Variants in SLC20A2 observed in about 807,000 individuals in gnomAD.
The protein encoded by SLC20A2 is sodium-dependent phosphate transporter 2.
A neutral mutation model predicts 61.0 loss-of-function variants in SLC20A2; 30 were observed. The observed-to-expected ratio is 0.49, with a 90% CI of 0.37 to 0.67. The LOEUF (loss-of-function observed/expected upper bound fraction) is 0.67, where lower values mean the gene tolerates loss of function less well. Ranked by LOEUF, SLC20A2 falls within the 30% of genes least tolerant of loss-of-function variation. The pLI, the probability that SLC20A2 is intolerant of heterozygous loss-of-function variation, is 0.00. For missense variants in SLC20A2, 626 were observed against 866.4 expected (o/e 0.72, Z 3.48); for synonymous variants, 351 against 353.3 (o/e 0.99, Z 0.07).
intron 1 of SLC20A2, among the ~76,000 whole-genome samples, chr8:42,497,813 C>CG (rs1333761267): frequency 1.3e-5 from 2 of 150,920 alleles, no homozygotes; most frequent in East Asian, 3.9e-4. Flanking sequence ...AGGTTGGGCA[C>CG]GGGGGGAGGG....
rs751273041 is a variant in SLC20A2 at position 42,444,661 on chromosome 8, G to A, written c.715C>T (p.Arg239Trp). The change falls in exon 6 of 11, where the codon CGG becomes TGG. Residue 239 changes from arginine to tryptophan, a missense_variant. Arg to Trp is a moderately radical substitution (Grantham distance 101). Transcript: ENST00000520262. ...FVWLFVCPWMRRKITGKLQKE... is the reference protein window; with the variant it reads ...FVWLFVCPWMWRKITGKLQKE... ...AGGCCCATACCTGTTATTTTCCTCC[G>A]CATCCACGGACACACGAAGAGCCAC... 23 of 1,612,920 alleles carry A rather than the reference G, an allele frequency of 1.4e-5. No homozygotes were observed. The highest frequency in any genetic ancestry group is 3.3e-4 in the Middle Eastern group (2 of 6,082).
intron 1 of SLC20A2, among the ~76,000 whole-genome samples, chr8:42,494,361 T>C (rs1809753943): frequency 1.3e-5 from 2 of 152,136 alleles, no homozygotes; most frequent in African/African-American, 4.8e-5. Context: ...TTAATTAAAA[T>C]AGTTACTTTT....
rs998201747 is a variant in SLC20A2 at position 42,533,734 on chromosome 8, C to T, written c.-265+8087G>A. On this transcript the variant is annotated intron_variant, in intron 1 of 10. Coordinates refer to the SLC20A2 transcript ENST00000342228. Reference sequence around the variant, plus strand: ...GAGTGCAGTGGCGTGATCTCAGCTCCCTGCAACCTCCACCTCCCAGGTTCA... The same window carrying T: ...GAGTGCAGTGGCGTGATCTCAGCTCTCTGCAACCTCCACCTCCCAGGTTCA... Among the ~76,000 whole-genome samples the T allele has an allele frequency of 8.5e-5, 12 of 140,398 alleles. No homozygotes were observed. The Admixed American group carries it at 9.0e-4, about 11-fold the overall frequency. 92.1% of individuals were successfully genotyped at this position (140,398 alleles called of 152,430 possible).
At chr8:42,446,307 G>A (rs1256462474) in intron 5 of SLC20A2, among the ~76,000 whole-genome samples, 1 of 152,208 alleles carries the variant, frequency 6.6e-6, no homozygotes, top group Non-Finnish European at 1.5e-5. Context: ...TCATAGCACT[G>A]TCATGTCTCC....
intron 7 of SLC20A2, among the ~76,000 whole-genome samples, chr8:42,438,058 AAAACC>A (rs1563455662): frequency 4.6e-5 from 6 of 130,294 alleles, no homozygotes; most frequent in Non-Finnish European, 6.5e-5. Flanking sequence ...ACTAAAAAAA[AAAACC>A]AAAAAAAAAA....
At chr8:42,438,648 G>A (rs1804532307) in intron 7 of SLC20A2, among the ~76,000 whole-genome samples, 1 of 152,188 alleles carries the variant, frequency 6.6e-6, no homozygotes, top group Non-Finnish European at 1.5e-5. Context: ...TGGTGAAGCT[G>A]TGCTCCCCTG....
At chr8:42,418,815 G>A (rs973136227) in intron 10 of SLC20A2, among the ~76,000 whole-genome samples, 2 of 151,656 alleles carry the variant, frequency 1.3e-5, no homozygotes, top group South Asian at 2.1e-4. Flanking sequence ...TGGCTAACAC[G>A]GTGAAACCCC....
intron 6 of SLC20A2, among the ~76,000 whole-genome samples, chr8:42,443,137 AATT>A (rs1310950347): frequency 3.4e-5 from 5 of 149,156 alleles, no homozygotes; most frequent in Non-Finnish European, 5.9e-5. Context: ...ATAATAATAC[AATT>A]ATTATAGTAC....
intron 2 of SLC20A2, among the ~76,000 whole-genome samples, chr8:42,468,975 T>C (rs1807408071): frequency 6.6e-6 from 1 of 152,206 alleles, no homozygotes; most frequent in Admixed American, 6.5e-5. Context: ...TCAGGACGTT[T>C]CACTGGCAGC....
intron 8 of SLC20A2, 122 bp downstream of exon 8, chr8:42,436,866 AC>A: frequency 1.2e-6 from 1 of 850,238 alleles, no homozygotes; most frequent in Non-Finnish European, 1.8e-6. Flanking sequence ...CCGCCTGCGC[AC>A]CCCTATCCCT....
chr8:42,426,867 C>T (rs1490510932), intron 10 of SLC20A2, among the ~76,000 whole-genome samples: 1 of 152,166 alleles, frequency 6.6e-6, no homozygotes, highest in Non-Finnish European at 1.5e-5. Context: ...GTCATAAGCC[C>T]GTGTCCTTGG....
chr8:42,451,766 TGG>T (rs1805688415), intron 5 of SLC20A2, among the ~76,000 whole-genome samples: 1 of 89,948 alleles, frequency 1.1e-5, no homozygotes, highest in Non-Finnish European at 2.1e-5. Context: ...GAGGAAAAGA[TGG>T]AGGAGGAAGA....
At chr8:42,530,617 C>T (rs1369423620) in intron 1 of SLC20A2, among the ~76,000 whole-genome samples, 2 of 152,120 alleles carry the variant, frequency 1.3e-5, no homozygotes, top group Admixed American at 6.6e-5. Flanking sequence ...TTATGGAAGA[C>T]ACAAAAGTCA....
intron 1 of SLC20A2, among the ~76,000 whole-genome samples, chr8:42,512,621 G>C (rs1811094497): frequency 6.6e-6 from 1 of 152,106 alleles, no homozygotes; most frequent in South Asian, 2.1e-4. Flanking sequence ...AAAGTGCTGG[G>C]AATACAGGCC....
chr8:42,470,989 AAG>A, intron 2 of SLC20A2: 1 of 345,620 alleles, frequency 2.9e-6, no homozygotes, highest in Non-Finnish European at 5.6e-6. Context: ...AAAAAAAAAA[AAG>A]AAAAGAAAAA....
At chr8:42,477,850 C>T (rs1452957755) in intron 1 of SLC20A2, among the ~76,000 whole-genome samples, 1 of 151,846 alleles carries the variant, frequency 6.6e-6, no homozygotes, top group Non-Finnish European at 1.5e-5. Flanking sequence ...AGAAAAAAAC[C>T]ACTCAACGTG....
intron 4 of SLC20A2, among the ~76,000 whole-genome samples, chr8:42,462,269 G>C (rs1401500915): frequency 6.6e-6 from 1 of 152,178 alleles, no homozygotes; most frequent in Non-Finnish European, 1.5e-5. Context: ...GAAACGGTGA[G>C]GGCAAGTTGG....
At position 42,472,125 on chromosome 8, in the gene SLC20A2, G is replaced by A. The variant is rs760625822; in HGVS notation, c.266C>T (p.Ala89Val). 1 of 1,613,318 alleles carries A rather than the reference G, an allele frequency of 6.2e-7. No individual in the cohort carries two copies. Among genetic ancestry groups the A allele is most frequent in the Non-Finnish European group, 8.5e-7 (1 of 1,180,016 alleles). Residue 89 changes from alanine (A) to valine (V), a missense_variant, in exon 2 of 11, where the codon GCT (alanine) becomes GTT (valine). By Grantham distance (64) the Ala-to-Val change is moderately conservative. This residue lies in a region of SLC20A2 where 127 missense variants were observed against 215.4 expected (regional missense o/e 0.59). Coordinates refer to ENST00000520262, the MANE Select transcript of SLC20A2 (RefSeq NM_001257180.2). The surrounding 1 kb of genome is among the most constrained non-coding windows in gnomAD (Gnocchi z 4.1). ...LYNETVETLM[A>V]GEVSAMVGSA... Reference sequence around the variant, plus strand: ...ACCAACCATGGCACTAACTTCCCCAGCCATGAGAGTCTCCACCGTCTCGTT... The same window carrying A: ...ACCAACCATGGCACTAACTTCCCCAACCATGAGAGTCTCCACCGTCTCGTT...
intron 1 of SLC20A2, among the ~76,000 whole-genome samples, chr8:42,536,058 A>G (rs1011271385): frequency 6.6e-6 from 1 of 152,234 alleles, no homozygotes; most frequent in South Asian, 2.1e-4. Flanking sequence ...AGAGTCTGAA[A>G]TGAAGATTAG....
Sources: gnomAD v4.1 joint callset for allele counts (sites outside exome capture counted in the v4.1 genomes callset) on GRCh38, gnomAD v4.1.1 for gene constraint, gnomAD v4.1.1 regional missense constraint, Gnocchi (gnomAD v3.1) non-coding constraint, MANE v1.5 for transcripts, NCBI Gene and HGNC (gene_info 2026-07-23, HGNC 2026-07-21) for gene names.